Variants in DENND1B observed in about 807,000 individuals in gnomAD.
DENND1B encodes DENN domain containing 1B, also known as DENN domain-containing protein 1B.
Under a neutral mutation model 90.1 loss-of-function variants are expected in DENND1B, and 59 were observed. That is an observed-to-expected ratio of 0.65 (90% CI 0.53 to 0.81). DENND1B has a LOEUF of 0.81. Among genes scored for constraint, DENND1B ranks in the 40% least tolerant of loss-of-function variants. The probability of loss-of-function intolerance (pLI) is 0.00; values close to 1 mark genes in which losing one functional copy is unlikely to be tolerated. For missense variants in DENND1B, 862 were observed against 912.6 expected, an observed-to-expected ratio of 0.94 and a Z score of 0.71; for synonymous variants, 337 against 324.6, an observed-to-expected ratio of 1.04 and a Z score of -0.41.
intron 10 of DENND1B, among the ~76,000 whole-genome samples, chr1:197,637,228 A>T (rs1173172863): frequency 1.3e-5 from 2 of 152,112 alleles, no homozygotes; most frequent in Non-Finnish European, 2.9e-5. Flanking sequence ...GTAAGCTATA[A>T]GGATAAGAAA....
intron 13 of DENND1B, among the ~76,000 whole-genome samples, chr1:197,596,962 A>G (rs1275236616): frequency 6.6e-6 from 1 of 151,910 alleles, no homozygotes. Context: ...CACAGTTTCG[A>G]AAAAATTATT....
intron 2 of DENND1B, among the ~76,000 whole-genome samples, chr1:197,740,841 T>C (rs1245679879): frequency 2.0e-5 from 3 of 152,196 alleles, no homozygotes; most frequent in Non-Finnish European, 4.4e-5. Flanking sequence ...GAAAAGACTA[T>C]ACTTATGAAG....
intron 15 of DENND1B, among the ~76,000 whole-genome samples, chr1:197,553,830 T>C (rs1374984274): frequency 6.6e-6 from 1 of 152,066 alleles, no homozygotes. Flanking sequence ...TGACTTGATA[T>C]GCATGAGGTT....
rs1450132107 is a variant in DENND1B at position 197,717,544 on chromosome 1, ATC to A, written c.83-2472_83-2471del. ...CTTGATTTTGACATAAATATATTTA[ATC>A]TCTTAGTTTAATAAGAGATAATGTT... On this transcript the variant is annotated intron_variant, in intron 2 of 22. Coordinates refer to ENST00000620048, the MANE Select transcript of DENND1B (RefSeq NM_001195215.2). Among the ~76,000 whole-genome samples the A allele has an allele frequency of 3.9e-5, 6 of 152,144 alleles. No individual in the cohort carries two copies. The South Asian group carries it at 8.3e-4, about 21-fold the overall frequency.
intron 7 of DENND1B, among the ~76,000 whole-genome samples, chr1:197,651,985 C>G (rs1037199112): frequency 6.6e-5 from 10 of 152,010 alleles, no homozygotes; most frequent in Non-Finnish European, 1.5e-4. Flanking sequence ...AATGAAATAT[C>G]CTCATAGATT....
chr1:197,549,710 C>T (rs928478981), intron 16 of DENND1B, among the ~76,000 whole-genome samples: 2 of 152,088 alleles, frequency 1.3e-5, no homozygotes, highest in Non-Finnish European at 2.9e-5. Flanking sequence ...TTACTCTTCC[C>T]TTCACACATT....
At chr1:197,765,359 G>C (rs2102478550) in intron 2 of DENND1B, among the ~76,000 whole-genome samples, 1 of 152,282 alleles carries the variant, frequency 6.6e-6, no homozygotes, top group South Asian at 2.1e-4. Context: ...GAGCTCAAAT[G>C]TGATATTCTC....
upstream of DENND1B, among the ~76,000 whole-genome samples, chr1:197,779,332 T>G (rs1657374810): frequency 6.6e-6 from 1 of 152,230 alleles, no homozygotes; most frequent in African/African-American, 2.4e-5. Flanking sequence ...CTGACTGCAT[T>G]TATGATGTTT....
rs942609047 is a variant in DENND1B at position 197,552,304 on chromosome 1, T to C, written c.1240+718A>G. The C allele has an allele frequency of 3.1e-6, 3 of 982,084 alleles. No individual in the cohort carries two copies. In the African/African-American group the frequency reaches 5.2e-5, roughly 17 times the overall value. The allele number at this position is 982,084 out of a possible 1,614,324, so 60.8% of individuals were successfully genotyped here. A position where few individuals can be genotyped will look rare whatever the true frequency, so the allele number is the denominator to read the frequency against. ...TTAGTACACTTAATATTTAGAACAG[T>C]GCCTAATACATTGTAAGCACTCAGC... On this transcript the variant is annotated intron_variant, in intron 16 of 22. Coordinates refer to ENST00000620048, the MANE Select transcript of DENND1B (RefSeq NM_001195215.2).
chr1:197,595,149 T>A, intron 14 of DENND1B, 59 bp downstream of exon 14: 1 of 1,546,026 alleles, frequency 6.5e-7, no homozygotes, highest in Non-Finnish European at 8.7e-7. Context: ...TTTTTTTCTG[T>A]CTCATTCCAA....
At chr1:197,637,735 T>C (rs1024134026) in intron 10 of DENND1B, among the ~76,000 whole-genome samples, 22 of 152,050 alleles carry the variant, frequency 1.4e-4, no homozygotes, top group Non-Finnish European at 2.6e-4. Context: ...TGCTTACGGG[T>C]TTGGGGAAGA....
intron 2 of DENND1B, chr1:197,735,020 T>C (rs919891769): frequency 1.0e-6 from 1 of 985,562 alleles, no homozygotes; most frequent in African/African-American, 1.7e-5. Context: ...GTTAAATATT[T>C]CATTCCTACT....
chr1:197,640,237 A>C (rs547659691), intron 10 of DENND1B, among the ~76,000 whole-genome samples: 32 of 152,180 alleles, frequency 2.1e-4, no homozygotes, highest in African/African-American at 7.5e-4. Flanking sequence ...CTTTGGGAGG[A>C]CAAGACGGGT....
chr1:197,521,940 T>C (rs1016344734), intron 20 of DENND1B, among the ~76,000 whole-genome samples: 1 of 152,010 alleles, frequency 6.6e-6, no homozygotes, highest in African/African-American at 2.4e-5. Context: ...AGGTAAATCA[T>C]AAGTGACAGA....
At chr1:197,779,530 C>T (rs1657377762), upstream of DENND1B, among the ~76,000 whole-genome samples, 2 of 151,948 alleles carry the variant, frequency 1.3e-5, no homozygotes, top group South Asian at 4.1e-4. Flanking sequence ...GTTATTCTAC[C>T]CTCCATGTTT....
chr1:197,616,562 C>A (rs992922510), intron 11 of DENND1B, among the ~76,000 whole-genome samples: 1 of 151,024 alleles, frequency 6.6e-6, no homozygotes, highest in Admixed American at 6.6e-5. Flanking sequence ...TGGAAACACA[C>A]CAATATATTA....
At chr1:197,539,807 G>A (rs1169058701) in intron 20 of DENND1B, among the ~76,000 whole-genome samples, 157 bp downstream of exon 20, 2 of 152,124 alleles carry the variant, frequency 1.3e-5, no homozygotes, top group Non-Finnish European at 2.9e-5. Flanking sequence ...CAATCCCCTT[G>A]TAGCCTTCCC....
At chr1:197,707,475 T>C (rs968675800) in intron 3 of DENND1B, among the ~76,000 whole-genome samples, 4 of 151,530 alleles carry the variant, frequency 2.6e-5, no homozygotes, top group African/African-American at 9.7e-5. Flanking sequence ...GATATGCTGA[T>C]TACCCTGATT....
chr1:197,510,261 T>C lies in DENND1B; in HGVS notation c.*199A>G. ...AACATACATACACACTAGTACCTGATTTAAAAGCACAGTAGAATTCGCTTT... is the reference window on the plus strand; with the variant it reads ...AACATACATACACACTAGTACCTGACTTAAAAGCACAGTAGAATTCGCTTT... On this transcript the variant is annotated 3_prime_UTR_variant, in exon 23 of 23. Coordinates refer to ENST00000620048, the MANE Select transcript of DENND1B (RefSeq NM_001195215.2). 1.6e-6 allele frequency: 1 copy of C among 620,026 alleles called. No individual in the cohort carries two copies. The highest frequency in any genetic ancestry group is 2.7e-6 in the Non-Finnish European group (1 of 374,462). 38.4% of individuals were successfully genotyped at this position (620,026 alleles called of 1,614,324 possible). A position where few individuals can be genotyped will look rare whatever the true frequency, so the allele number is the denominator to read the frequency against.
Sources: gnomAD v4.1 joint callset for allele counts (sites outside exome capture counted in the v4.1 genomes callset) on GRCh38, gnomAD v4.1.1 for gene constraint, MANE v1.5 for transcripts, NCBI Gene and HGNC (gene_info 2026-07-23, HGNC 2026-07-21) for gene names.